SIN3B: variants seen among roughly 807,000 people sequenced by gnomAD.
SIN3B encodes SIN3 transcription regulator family member B, also known as paired amphipathic helix protein Sin3b.
Under a neutral mutation model 120.2 loss-of-function variants are expected in SIN3B, and 19 were observed. That is an observed-to-expected ratio of 0.16 (90% CI 0.11 to 0.23). SIN3B has a LOEUF of 0.23. SIN3B is among the 10% of genes least tolerant of loss of function. SIN3B has a pLI of 1.00. For synonymous variants in SIN3B, 654 were observed against 653.2 expected, an observed-to-expected ratio of 1.00 and a Z score of -0.02; for missense variants, 1,073 against 1,573.0, an observed-to-expected ratio of 0.68 and a Z score of 5.38.
At chr19:16,832,103 C>T (rs1209400277) in intron 3 of SIN3B, among the ~76,000 whole-genome samples, 1 of 151,502 alleles carries the variant, frequency 6.6e-6, no homozygotes, top group Non-Finnish European at 1.5e-5. Flanking sequence ...GGCTGTGTTT[C>T]ATTTAATTGT....
Position 16,831,509 on chromosome 19 carries a change from A to G in SIN3B, c.243A>G (p.Gly81=). The G allele has an allele frequency of 6.2e-7, 1 of 1,614,076 alleles. No individual in the cohort carries two copies. Among genetic ancestry groups the G allele is most frequent in the Non-Finnish European group, 8.5e-7 (1 of 1,179,948 alleles). The change falls in exon 3 of 19, where the codon GGA becomes GGG. Residue 81 remains glycine, a synonymous_variant. Coordinates refer to ENST00000248054, the MANE Select transcript of SIN3B (RefSeq NM_001297595.2). ...TTTCTTCTAGCATCGATACTCCTGG[A>G]GTCATCAGACGTGTCTCGCAGCTCT... The part of the protein sequence containing the change: ...EFKSQSIDTP[G]VIRRVSQLFH...
intron 3 of SIN3B, among the ~76,000 whole-genome samples, chr19:16,835,312 T>G (rs1260678185): frequency 6.6e-6 from 1 of 150,738 alleles, no homozygotes; most frequent in Non-Finnish European, 1.5e-5. Context: ...CGCTGCATCC[T>G]CTGCCTCCCG....
rs772896024 is a variant in SIN3B, at chr19:16,873,333, G to A, written c.2592+1935G>A. ...CCCATAGCTGCGTTCTGACACCTTC[G>A]CTTCAGCCCCCTCCACTTTCCCTCC... On this transcript the variant is annotated intron_variant, in intron 14 of 18. Transcript: ENST00000248054. Among the ~76,000 whole-genome samples the A allele has an allele frequency of 3.3e-5, 5 of 152,118 alleles. No individual in the cohort carries two copies. In the South Asian group the frequency reaches 8.3e-4, roughly 25 times the overall value.
intron 6 of SIN3B, 38 bp downstream of exon 6, chr19:16,851,572 G>A (rs376856152): frequency 9.8e-5 from 151 of 1,537,002 alleles, no homozygotes; most frequent in Non-Finnish European, 1.1e-4. Flanking sequence ...CTGCACGCGG[G>A]GCCCCCAGCA....
At chr19:16,867,197 G>A (rs773909) in intron 12 of SIN3B, among the ~76,000 whole-genome samples, 18,498 of 152,200 alleles carry the variant, frequency 0.12, 2,521 homozygotes, top group African/African-American at 0.34. Flanking sequence ...AAAGAGTAAT[G>A]CATCATCTGA....
intron 4 of SIN3B, chr19:16,844,161 TAAAC>T (rs1487835221): frequency 6.6e-6 from 1 of 152,310 alleles, no homozygotes; most frequent in Non-Finnish European, 1.5e-5. Context: ...ATCTGCATTT[TAAAC>T]AAGGCCCCTG....
intron 8 of SIN3B, chr19:16,855,292 C>T (rs1260336987): frequency 6.7e-6 from 1 of 149,826 alleles, no homozygotes; most frequent in Non-Finnish European, 1.5e-5. Flanking sequence ...GTTCCAAACC[C>T]CTGGCAACTA....
rs557366292 is a variant in SIN3B at position 16,871,299 on chromosome 19, C to T, written c.2493C>T (p.Ile831=). The stretch of plus-strand genomic sequence containing the variant: ...TGCGGAGCCTGCTGGAGGGCAGCAT[C>T]GACCCCACGCAGTACGAGGACACCC... ...DMVRSLLEGS[I]DPTQYEDTLR... is the part of the protein sequence containing the mutation. Residue 831 remains isoleucine (I), a synonymous_variant, in exon 14 of 19, where the codon ATC becomes ATT. Coordinates refer to ENST00000248054, the MANE Select transcript of SIN3B (RefSeq NM_001297595.2). 31 of 1,614,170 alleles carry T rather than the reference C, an allele frequency of 1.9e-5. No homozygotes were observed. Among genetic ancestry groups the T allele is most frequent in the East Asian group, 2.2e-5 (1 of 44,882 alleles).
At chr19:16,840,052 C>T (rs1015233108) in intron 3 of SIN3B, among the ~76,000 whole-genome samples, 1 of 152,120 alleles carries the variant, frequency 6.6e-6, no homozygotes, top group Non-Finnish European at 1.5e-5. Context: ...GTTTTAGAAT[C>T]GTGGCTGCTC....
chr19:16,863,544 C>T, intron 9 of SIN3B, 136 bp from the exon 10 acceptor site: 1 of 674,784 alleles, frequency 1.5e-6, no homozygotes, highest in South Asian at 1.8e-5. Context: ...CTTTATGCAC[C>T]TTCCCATTTG....
chr19:16,837,329 C>A (rs1161763781), intron 3 of SIN3B, among the ~76,000 whole-genome samples: 1 of 151,994 alleles, frequency 6.6e-6, no homozygotes, highest in Non-Finnish European at 1.5e-5. Context: ...GGAGGGGCCC[C>A]AAGTGATGGA....
Position 16,876,559 on chromosome 19 carries a change from A to T in SIN3B, c.2840A>T (p.Glu947Val). Residue 947 changes from glutamate to valine, a missense_variant, in exon 16 of 19, where the codon GAG becomes GTG. Glu to Val is a moderately radical substitution (Grantham distance 121, BLOSUM62 -2). Coordinates refer to ENST00000248054, the MANE Select transcript of SIN3B (RefSeq NM_001297595.2). This position sits in a 1 kb window ranked among gnomAD's most constrained non-coding sequence, Gnocchi z 7.1. The stretch of plus-strand genomic sequence containing the variant: ...CTGGACACCGAGGAGGCCCAGACGG[A>T]GGACCCTGTGGAGGTCCAGGTGAGG... The part of the protein sequence containing the change: ...ELLDTEEAQT[E>V]DPVEVQHLAR... The T allele has an allele frequency of 6.2e-7, 1 of 1,613,334 alleles. No individual in the cohort carries two copies. Among genetic ancestry groups the T allele is most frequent in the Non-Finnish European group, 8.5e-7 (1 of 1,179,840 alleles).
chr19:16,841,973 G>A lies in SIN3B; in HGVS notation c.582+5G>A, dbSNP rs781343341. ...GAGATCCTGCACACGTACCAGGTAA[G>A]AACTCAGATTACAATTCCTTGTGGG... On this transcript the variant is annotated splice_donor_5th_base_variant and intron_variant, in intron 4 of 18. Transcript: ENST00000248054. The A allele has an allele frequency of 6.2e-7, 1 of 1,610,988 alleles. No homozygotes were observed. The highest frequency in any genetic ancestry group is 1.7e-5 in the Admixed American group (1 of 59,990).
At position 16,854,514 on chromosome 19, in the gene SIN3B, G is replaced by A. The variant is rs907368097; in HGVS notation, c.1058+253G>A. ...CCTCACCAGAATACAGTGGGTCCTC[G>A]AGTAATGCCTTTTCATTTAACACTG... On this transcript the variant is annotated intron_variant, in intron 8 of 18. Transcript: ENST00000248054. 14 of 415,762 alleles carry A rather than the reference G, an allele frequency of 3.4e-5. No homozygotes were observed. Among genetic ancestry groups the A allele is most frequent in the Non-Finnish European group, 5.6e-5 (13 of 233,132 alleles). 25.8% of individuals were successfully genotyped at this position (415,762 alleles called of 1,614,324 possible).
chr19:16,876,202 T>A lies in SIN3B; in HGVS notation c.2740T>A (p.Cys914Ser), dbSNP rs758964917. Reference protein sequence around the residue: ...ETSYQWKAERCMADENCFKVM... With the variant: ...ETSYQWKAERSMADENCFKVM... ...CAGCTACCAGTGGAAGGCTGAGCGC[T>A]GCATGGCCGACGAGAACTGCTTCAA... The change falls in exon 15 of 19, where the codon TGC (cysteine) becomes AGC (serine). Residue 914 changes from cysteine (C) to serine (S), a missense_variant. Cys to Ser is a moderately radical substitution (Grantham distance 112, BLOSUM62 -1). Coordinates refer to ENST00000248054, the MANE Select transcript of SIN3B (RefSeq NM_001297595.2). This position sits in a 1 kb window ranked among gnomAD's most constrained non-coding sequence, Gnocchi z 7.1. 2 of 1,612,292 alleles carry A rather than the reference T, an allele frequency of 1.2e-6. No individual in the cohort carries two copies. The highest frequency in any genetic ancestry group is 4.5e-5 in the East Asian group (2 of 44,836).
chr19:16,834,905 CTTTCTTTCT>C (rs796815723), intron 3 of SIN3B, among the ~76,000 whole-genome samples: 38 of 151,138 alleles, frequency 2.5e-4, no homozygotes, highest in African/African-American at 8.8e-4. Context: ...GATATTCTTT[CTTTCTTTCT>C]TTTCTTTCTT....
In SIN3B at chr19:16,865,315, C is replaced by A. The variant is rs954871360; in HGVS notation, c.1384-95C>A. 5.4e-5 allele frequency: 30 copies of A among 550,852 alleles called. 1 individual carries two copies. Among genetic ancestry groups the A allele is most frequent in the South Asian group, 3.7e-4 (20 of 54,782 alleles). The allele number at this position is 550,852 out of a possible 1,614,324, so 34.1% of individuals were successfully genotyped here. ...TCTCTTAAATACACACACCCCCCCC[C>A]CAAAAAAATCCTCTGGTCTCTGAGG... On this transcript the variant is annotated intron_variant, in intron 10 of 18. Transcript: ENST00000248054.
chr19:16,865,329 TG>T, intron 10 of SIN3B, 80 bp from the exon 11 acceptor site: 1 of 505,812 alleles, frequency 2.0e-6, no homozygotes, highest in Non-Finnish European at 3.5e-6. Flanking sequence ...AAAAATCCTC[TG>T]GTCTCTGAGG....
intron 10 of SIN3B, 102 bp from the exon 11 acceptor site, chr19:16,865,308 C>CCA (rs2144613638): frequency 1.9e-6 from 1 of 536,240 alleles, no homozygotes; most frequent in Non-Finnish European, 3.4e-6. Flanking sequence ...ATACACACAC[C>CCA]CCCCCCCCAA....
Sources: gnomAD v4.1 joint callset for allele counts (sites outside exome capture counted in the v4.1 genomes callset) on GRCh38, gnomAD v4.1.1 for gene constraint, Gnocchi (gnomAD v3.1) non-coding constraint, MANE v1.5 for transcripts, NCBI Gene and HGNC (gene_info 2026-07-23, HGNC 2026-07-21) for gene names.